Variants in NEB observed in about 807,000 individuals in gnomAD.
NEB encodes the protein nebulin.
NEB carries 512 observed loss-of-function variants against 952.2 expected under a neutral mutation model. The ratio of observed to expected loss-of-function variants is 0.54; its 90% CI spans 0.50 to 0.58. The LOEUF (loss-of-function observed/expected upper bound fraction) is 0.58, where lower values mean the gene tolerates loss of function less well. NEB is among the 20% of genes least tolerant of loss of function. NEB has a pLI of 0.00. For missense variants in NEB, 8,428 were observed against 9,231.1 expected (o/e 0.91, Z 3.56); for synonymous variants, 2,900 against 3,149.8 (o/e 0.92, Z 2.66).
chr2:151,562,020 C>T, intron 121 of NEB, 90 bp downstream of exon 121: 1 of 997,144 alleles, frequency 1.0e-6, no homozygotes, highest in East Asian at 2.4e-5. Context: ...ACTGTTACAG[C>T]AACTTTCTTT....
chr2:151,571,617 A>T (rs1319129505), intron 107 of NEB, among the ~76,000 whole-genome samples: 14 of 152,170 alleles, frequency 9.2e-5, no homozygotes, highest in Non-Finnish European at 1.2e-4. Flanking sequence ...CCGCTGAAGC[A>T]TGATTGGATG....
rs1453550331 is a variant in NEB, at chr2:151,627,182, C to T, written c.10167G>A (p.Gln3389=). ...GGACCCAGCCAATGCCTCTCAGCCA[C>T]TGGAGATCAGATTTGTAAATGTTCT... ...QSDNIYKSDL[Q]WLRGIGWVPI... The change falls in exon 70 of 182, where the codon CAG becomes CAA. Residue 3389 remains glutamine, a synonymous_variant. Transcript: ENST00000397345. The T allele has an allele frequency of 6.2e-7, 1 of 1,613,768 alleles. No individual in the cohort carries two copies. Among genetic ancestry groups the T allele is most frequent in the African/African-American group, 1.3e-5 (1 of 74,902 alleles).
chr2:151,594,393 CT>C (rs2097351539), intron 92 of NEB, 75 bp from the exon 93 acceptor site: 1 of 1,333,650 alleles, frequency 7.5e-7, no homozygotes, highest in Admixed American at 2.3e-5. Context: ...ATTTAAATGG[CT>C]TCAGTATGTT....
At chr2:151,704,785 G>A (rs1405976055) in intron 13 of NEB, among the ~76,000 whole-genome samples, 1 of 152,118 alleles carries the variant, frequency 6.6e-6, no homozygotes, top group East Asian at 1.9e-4. Flanking sequence ...GATGAACCCG[G>A]TACCTCAGAT....
At chr2:151,538,553 T>G (rs1383973552) in intron 138 of NEB, among the ~76,000 whole-genome samples, 2 of 152,044 alleles carry the variant, frequency 1.3e-5, no homozygotes, top group African/African-American at 4.8e-5. Context: ...GTGGGGCATG[T>G]GATAACTCTG....
chr2:151,685,846 A>T (rs2099493637), intron 27 of NEB, among the ~76,000 whole-genome samples: 1 of 152,288 alleles, frequency 6.6e-6, no homozygotes, highest in East Asian at 1.9e-4. Flanking sequence ...TGTGTTAGAG[A>T]CGGTGACCCA....
intron 10 of NEB, among the ~76,000 whole-genome samples, chr2:151,716,360 G>A (rs923145032): frequency 6.6e-5 from 10 of 152,072 alleles, no homozygotes; most frequent in East Asian, 1.9e-4. Context: ...GGCTGGTCTC[G>A]AATTCCTGAC....
At position 151,614,294 on chromosome 2, in the gene NEB, G is replaced by A; in HGVS notation, c.11583C>T (p.Ala3861=). 1 of 1,613,754 alleles carries A rather than the reference G, an allele frequency of 6.2e-7. No homozygotes were observed. The highest frequency in any genetic ancestry group is 8.5e-7 in the Non-Finnish European group (1 of 1,179,724). The part of the protein sequence containing the change: ...DQNDVIQARK[A]YDLQSDAIYK... ...CACTCACATCACTCTGCAGGTCATA[G>A]GCCTTCCGAGCCTGAATGACGTCAT... Residue 3861 remains alanine (A), a synonymous_variant, in exon 77 of 182, where the codon GCC becomes GCT. Coordinates refer to ENST00000397345, the MANE Select transcript of NEB (RefSeq NM_001164508.2).
Position 151,669,130 on chromosome 2 carries a change from A to C in NEB, c.4508T>G (p.Leu1503Trp), listed in dbSNP as rs1489976239. The change falls in exon 39 of 182, where the codon TTG becomes TGG. Residue 1503 changes from leucine to tryptophan, a missense_variant and splice_region_variant. Coordinates refer to ENST00000397345, the MANE Select transcript of NEB (RefSeq NM_001164508.2). Reference protein sequence around the residue: ...AQHNTKQLSDLNYKVEGEKLK... With the variant: ...AQHNTKQLSDWNYKVEGEKLK... The stretch of plus-strand genomic sequence containing the variant: ...TTTCTCTCCCTCTACCTTGTAGTTC[A>C]ACTAAAAACAAAGGAGACAGCATGC... 6 of 1,556,792 alleles carry C rather than the reference A, an allele frequency of 3.9e-6. No individual in the cohort carries two copies. The highest frequency in any genetic ancestry group is 3.3e-4 in the Middle Eastern group (2 of 5,998).
Position 151,688,415 on chromosome 2 carries a change from T to C in NEB, c.2311-19A>G. 6.3e-7 allele frequency: 1 copy of C among 1,590,184 alleles called. No individual in the cohort carries two copies. ...AATTCAGCTGAAAAACAAAGGATATTTGAACGGTTCAGGGGAACTTCTTTG... is the reference window on the plus strand; with the variant it reads ...AATTCAGCTGAAAAACAAAGGATATCTGAACGGTTCAGGGGAACTTCTTTG... On this transcript the variant is annotated intron_variant, in intron 24 of 181. Coordinates refer to ENST00000397345, the MANE Select transcript of NEB (RefSeq NM_001164508.2).
At chr2:151,729,561 G>T in intron 4 of NEB, 54 bp downstream of exon 4, 2 of 1,586,402 alleles carry the variant, frequency 1.3e-6, no homozygotes, top group Non-Finnish European at 1.7e-6. Context: ...AAAGGAGAAA[G>T]CTCTTCCTGC....
chr2:151,549,569 A>G, intron 130 of NEB, 67 bp downstream of exon 130: 1 of 978,666 alleles, frequency 1.0e-6, no homozygotes, highest in Non-Finnish European at 1.6e-6. Context: ...AGAACAGGCT[A>G]TTAATTAATA....
intron 4 of NEB, 27 bp downstream of exon 4, chr2:151,729,588 T>A (rs371907218): frequency 3.7e-5 from 59 of 1,611,290 alleles, no homozygotes; most frequent in Non-Finnish European, 4.8e-5. Context: ...GAGAATGCAG[T>A]TTATGCAGCT....
intron 151 of NEB, 89 bp from the exon 152 acceptor site, chr2:151,524,705 T>TG (rs1487093530): frequency 1.9e-6 from 2 of 1,065,186 alleles, no homozygotes; most frequent in African/African-American, 3.4e-5. Flanking sequence ...CTCACTCTGT[T>TG]GCCCAGGCTT....
At chr2:151,568,752 T>A in intron 110 of NEB, 36 bp from the exon 111 acceptor site, 1 of 1,423,536 alleles carries the variant, frequency 7.0e-7, no homozygotes, top group Non-Finnish European at 9.7e-7. Flanking sequence ...ATAGTTGTAA[T>A]TCCTAGACAT....
Position 151,627,770 on chromosome 2 carries a change from T to C in NEB, c.9896A>G (p.Asp3299Gly). Residue 3299 changes from aspartate (D) to glycine (G), a missense_variant, in exon 69 of 182, where the codon GAT (aspartate) becomes GGT (glycine). Transcript: ENST00000397345. ...CATGGACCACATCATCTTGGGGTCA[T>C]CTTCAATGTTCCGGGCTCCAATGTG... The part of the protein sequence containing the change: ...GHHIGARNIE[D>G]DPKMMWSMHV... 3 of 1,613,974 alleles carry C rather than the reference T, an allele frequency of 1.9e-6. No individual in the cohort carries two copies. The highest frequency in any genetic ancestry group is 1.1e-5 in the South Asian group (1 of 91,072).
chr2:151,693,992 A>T (rs1313966040), intron 20 of NEB, among the ~76,000 whole-genome samples: 3 of 152,224 alleles, frequency 2.0e-5, no homozygotes, highest in African/African-American at 7.2e-5. Context: ...GCATTGGGTG[A>T]ATATATACAT....
At chr2:151,659,422 TC>T (rs1169967402) in intron 46 of NEB, among the ~76,000 whole-genome samples, 1 of 152,076 alleles carries the variant, frequency 6.6e-6, no homozygotes, top group Non-Finnish European at 1.5e-5. Context: ...CACCTCAGCC[TC>T]CTGAGTAGCT....
At chr2:151,685,048 A>G in intron 27 of NEB, 73 bp from the exon 28 acceptor site, 1 of 1,405,118 alleles carries the variant, frequency 7.1e-7, no homozygotes, top group South Asian at 1.3e-5. Flanking sequence ...GATCTTTCAT[A>G]AACAATAAAT....
Sources: gnomAD v4.1 joint callset for allele counts (sites outside exome capture counted in the v4.1 genomes callset) on GRCh38, gnomAD v4.1.1 for gene constraint, MANE v1.5 for transcripts, NCBI Gene and HGNC (gene_info 2026-07-23, HGNC 2026-07-21) for gene names.